MACROD2: variants seen among roughly 807,000 people sequenced by gnomAD.
The protein encoded by MACROD2 is ADP-ribose glycohydrolase MACROD2.
In MACROD2, 36 loss-of-function variants were observed where a neutral mutation model predicts 70.4. That is an observed-to-expected ratio of 0.51 (90% CI 0.39 to 0.68). The LOEUF is 0.68. Ranked by LOEUF, MACROD2 falls within the 30% of genes least tolerant of loss-of-function variation. The probability of loss-of-function intolerance (pLI) is 0.00; values close to 1 mark genes in which losing one functional copy is unlikely to be tolerated. For synonymous variants in MACROD2, 172 were observed against 178.8 expected (o/e 0.96, Z 0.30); for missense variants, 496 against 538.4 (o/e 0.92, Z 0.78).
intron 5 of MACROD2, among the ~76,000 whole-genome samples, chr20:14,818,816 C>G (rs1439539447): frequency 3.8e-5 from 3 of 79,992 alleles, no homozygotes; most frequent in Non-Finnish European, 7.8e-5. Context: ...TTTTGTTTCT[C>G]TTCCTTAGGT....
chr20:15,625,589 A>G (rs1041124255), intron 8 of MACROD2, among the ~76,000 whole-genome samples: 1 of 152,246 alleles, frequency 6.6e-6, no homozygotes, highest in Admixed American at 6.5e-5. Context: ...TGATTAAAAC[A>G]TATGTAAGAT....
chr20:14,503,202 A>G (rs552551699), intron 4 of MACROD2, among the ~76,000 whole-genome samples: 5 of 152,306 alleles, frequency 3.3e-5, no homozygotes, highest in African/African-American at 1.2e-4. Flanking sequence ...TCAGGCCTGG[A>G]AAAAGAAGTA....
chr20:14,518,099 A>G (rs982078154), intron 4 of MACROD2, among the ~76,000 whole-genome samples: 33 of 151,782 alleles, frequency 2.2e-4, no homozygotes, highest in Non-Finnish European at 4.0e-4. Context: ...TACATATTTT[A>G]TATGATTTAA....
intron 5 of MACROD2, among the ~76,000 whole-genome samples, chr20:15,038,177 T>C (rs1406315684): frequency 6.6e-6 from 1 of 152,242 alleles, no homozygotes; most frequent in African/African-American, 2.4e-5. Context: ...AATAATCATA[T>C]AGTTCTTTTA....
intron 4 of MACROD2, among the ~76,000 whole-genome samples, chr20:14,624,962 T>G (rs1198285127): frequency 2.6e-5 from 4 of 152,122 alleles, no homozygotes; most frequent in Non-Finnish European, 5.9e-5. Context: ...TTTTGTATGG[T>G]CCAAGTTAAG....
At chr20:15,370,428 G>A (rs1381687732) in intron 6 of MACROD2, among the ~76,000 whole-genome samples, 1 of 151,994 alleles carries the variant, frequency 6.6e-6, no homozygotes, top group Non-Finnish European at 1.5e-5. Flanking sequence ...TATTTCTATG[G>A]TGGTGAGCTG....
chr20:14,440,261 A>C (rs2084106573), intron 3 of MACROD2, among the ~76,000 whole-genome samples: 1 of 152,212 alleles, frequency 6.6e-6, no homozygotes, highest in Admixed American at 6.5e-5. Context: ...AAACTTGTCT[A>C]ACCCCAGCTG....
intron 5 of MACROD2, among the ~76,000 whole-genome samples, chr20:14,882,629 T>C (rs1345336011): frequency 6.6e-6 from 1 of 152,126 alleles, no homozygotes; most frequent in Non-Finnish European, 1.5e-5. Flanking sequence ...AGTTTAAAGA[T>C]GGAAAACCAT....
At chr20:15,670,623 C>G (rs995601222) in intron 8 of MACROD2, among the ~76,000 whole-genome samples, 3 of 152,098 alleles carry the variant, frequency 2.0e-5, no homozygotes, top group South Asian at 4.1e-4. Context: ...CTTCCAGAGA[C>G]AAATGTTAAA....
chr20:15,510,108 A>C (rs1357688896), intron 8 of MACROD2, among the ~76,000 whole-genome samples: 6 of 152,194 alleles, frequency 3.9e-5, no homozygotes, highest in African/African-American at 1.4e-4. Context: ...ATTTTCTGTA[A>C]ATGATCCGGA....
chr20:14,193,092 TA>T (rs2081401566), intron 3 of MACROD2, among the ~76,000 whole-genome samples: 1 of 152,206 alleles, frequency 6.6e-6, no homozygotes, highest in Non-Finnish European at 1.5e-5. Context: ...TTATCTTCAA[TA>T]CAATCTTATC....
rs890165286 is a variant in MACROD2, at chr20:15,640,143, AAG to A, written c.645+140302_645+140303del. ...GGGGATAGAGAGGGAGAAATGATAA[AAG>A]AGAGAAAAAGAGATGTGAGGAAGGG... On this transcript the variant is annotated intron_variant, in intron 8 of 17. Transcript: ENST00000684519. Among the ~76,000 whole-genome samples the A allele has an allele frequency of 4.6e-5, 7 of 152,072 alleles. No individual in the cohort carries two copies. In the East Asian group the frequency reaches 7.7e-4, roughly 17 times the overall value.
chr20:14,676,899 C>G (rs2070868770), intron 4 of MACROD2, among the ~76,000 whole-genome samples: 1 of 152,078 alleles, frequency 6.6e-6, no homozygotes, highest in South Asian at 2.1e-4. Context: ...CCACTGATCC[C>G]ATAGAAATAA....
intron 15 of MACROD2, among the ~76,000 whole-genome samples, chr20:16,022,338 A>G (rs1260745204): frequency 6.6e-6 from 1 of 152,134 alleles, no homozygotes; most frequent in Non-Finnish European, 1.5e-5. Context: ...GGAGTGAGCC[A>G]CCGCGCCCAG....
At chr20:15,349,266 A>G (rs1394763501) in intron 6 of MACROD2, among the ~76,000 whole-genome samples, 1 of 152,180 alleles carries the variant, frequency 6.6e-6, no homozygotes, top group Non-Finnish European at 1.5e-5. Context: ...TTTGCTAGAA[A>G]TGTATCCTTT....
chr20:14,022,827 C>T (rs545183378), intron 2 of MACROD2, among the ~76,000 whole-genome samples: 1 of 152,310 alleles, frequency 6.6e-6, no homozygotes, highest in South Asian at 2.1e-4. Flanking sequence ...GCCACATTTT[C>T]TTTATCCACT....
At chr20:14,261,492 A>G (rs1034892531) in intron 3 of MACROD2, among the ~76,000 whole-genome samples, 1 of 152,194 alleles carries the variant, frequency 6.6e-6, no homozygotes, top group African/African-American at 2.4e-5. Flanking sequence ...GAAAAATAAG[A>G]ATAATATATT....
At chr20:14,920,296 C>T (rs1460675761) in intron 5 of MACROD2, among the ~76,000 whole-genome samples, 1 of 151,996 alleles carries the variant, frequency 6.6e-6, no homozygotes, top group Non-Finnish European at 1.5e-5. Flanking sequence ...TGTGAATAAC[C>T]AGGGCTCAAC....
At chr20:14,619,395 G>GGA (rs1266975974) in intron 4 of MACROD2, among the ~76,000 whole-genome samples, 2 of 19,458 alleles carry the variant, frequency 1.0e-4, no homozygotes, top group African/African-American at 2.0e-4. Flanking sequence ...AAGGAAGGAG[G>GGA]GGGGAGGAAG....
Sources: gnomAD v4.1 joint callset for allele counts (sites outside exome capture counted in the v4.1 genomes callset) on GRCh38, gnomAD v4.1.1 for gene constraint, MANE v1.5 for transcripts, NCBI Gene and HGNC (gene_info 2026-07-23, HGNC 2026-07-21) for gene names.